Variants in PCDH15 observed in about 807,000 individuals in gnomAD.
PCDH15 encodes the protein protocadherin-15.
In PCDH15, 129 loss-of-function variants were observed where a neutral mutation model predicts 178.5. The ratio of observed to expected loss-of-function variants is 0.72; its 90% CI spans 0.63 to 0.84. The LOEUF (loss-of-function observed/expected upper bound fraction) is 0.84. Among genes scored for constraint, PCDH15 ranks in the 40% least tolerant of loss-of-function variants. The pLI is 0.00. For synonymous variants in PCDH15, 800 were observed against 732.0 expected (o/e 1.09, Z -1.50); for missense variants, 2,230 against 2,099.9 (o/e 1.06, Z -1.21).
chr10:55,525,572 T>C (rs1841286150), intron 2 of PCDH15, among the ~76,000 whole-genome samples: 1 of 151,900 alleles, frequency 6.6e-6, no homozygotes, highest in Non-Finnish European at 1.5e-5. Context: ...TAAGGAAGTC[T>C]ACTTTTGGCT....
intron 2 of PCDH15, among the ~76,000 whole-genome samples, chr10:55,113,644 T>G (rs1378191909): frequency 6.6e-6 from 1 of 152,194 alleles, no homozygotes; most frequent in Non-Finnish European, 1.5e-5. Context: ...TTAACTTATC[T>G]AATTATATGC....
At chr10:54,025,709 G>T (rs1020595840) in intron 18 of PCDH15, among the ~76,000 whole-genome samples, 1 of 152,078 alleles carries the variant, frequency 6.6e-6, no homozygotes, top group African/African-American at 2.4e-5. Flanking sequence ...ATGTTGGTCA[G>T]GCTGGTCTCA....
At chr10:55,260,796 CA>C (rs1452181447) in intron 1 of PCDH15, among the ~76,000 whole-genome samples, 1 of 152,084 alleles carries the variant, frequency 6.6e-6, no homozygotes, top group East Asian at 1.9e-4. Flanking sequence ...AATAGATAAG[CA>C]AAATCTTTCT....
chr10:54,703,169 A>T (rs1250364909), intron 1 of PCDH15, among the ~76,000 whole-genome samples: 1 of 152,118 alleles, frequency 6.6e-6, no homozygotes, highest in Non-Finnish European at 1.5e-5. Flanking sequence ...TGTTGATAAA[A>T]TTCAGCAGCC....
intron 1 of PCDH15, among the ~76,000 whole-genome samples, chr10:55,167,122 A>G (rs1201205946): frequency 6.6e-6 from 1 of 152,020 alleles, no homozygotes; most frequent in Non-Finnish European, 1.5e-5. Flanking sequence ...TTTTTATTTT[A>G]TTTTGTTTTG....
At chr10:53,839,349 A>G (rs578051576) in intron 29 of PCDH15, among the ~76,000 whole-genome samples, 16 of 152,082 alleles carry the variant, frequency 1.1e-4, no homozygotes, top group Non-Finnish European at 2.4e-4. Flanking sequence ...TTAAAATAAA[A>G]CTAAATTCAG....
intron 1 of PCDH15, among the ~76,000 whole-genome samples, chr10:55,264,882 G>A (rs1842240207): frequency 6.6e-6 from 1 of 152,174 alleles, no homozygotes; most frequent in Admixed American, 6.5e-5. Flanking sequence ...GGCCCCATAT[G>A]TGCAGGCTTT....
rs1050885262 is a variant in PCDH15 at position 54,835,774 on chromosome 10, C to T, written c.-29+61676G>A. ...TATATAAAATTGTAAAATTTAAAAT[C>T]ACATAGCAGGAAATTTTGAGCTATG... On this transcript the variant is annotated intron_variant, in intron 3 of 5. Transcript: ENST00000458638. Among the ~76,000 whole-genome samples, 5 of 152,034 alleles carry T rather than the reference C, an allele frequency of 3.3e-5. No homozygotes were observed. The South Asian group carries it at 1.0e-3, about 31-fold the overall frequency.
At chr10:54,505,752 A>G (rs2081115303) in intron 3 of PCDH15, among the ~76,000 whole-genome samples, 1 of 151,934 alleles carries the variant, frequency 6.6e-6, no homozygotes, top group African/African-American at 2.4e-5. Flanking sequence ...CTGTGCAACA[A>G]AACTGCACGT....
intron 2 of PCDH15, among the ~76,000 whole-genome samples, chr10:54,990,961 T>G (rs1239057065): frequency 1.5e-5 from 2 of 131,598 alleles, no homozygotes; most frequent in Non-Finnish European, 3.2e-5. Context: ...CAATAAAATT[T>G]TAAAAGAAAA....
chr10:54,844,792 T>C (rs1034393613), intron 3 of PCDH15, among the ~76,000 whole-genome samples: 3 of 151,972 alleles, frequency 2.0e-5, no homozygotes, highest in Non-Finnish European at 4.4e-5. Flanking sequence ...TTTCAATAAA[T>C]TTCCACTATG....
intron 21 of PCDH15, among the ~76,000 whole-genome samples, chr10:53,975,636 G>A (rs1414911285): frequency 2.0e-5 from 3 of 151,888 alleles, no homozygotes; most frequent in Non-Finnish European, 2.9e-5. Context: ...TTTTTTGCTT[G>A]TCGAATTAGG....
At chr10:54,250,844 C>G (rs1358887876) in intron 8 of PCDH15, among the ~76,000 whole-genome samples, 3 of 152,158 alleles carry the variant, frequency 2.0e-5, no homozygotes, top group East Asian at 1.9e-4. Context: ...CAATCTCTCT[C>G]TCACACACAC....
intron 26 of PCDH15, among the ~76,000 whole-genome samples, chr10:53,902,098 A>G (rs1405171130): frequency 6.6e-6 from 1 of 152,188 alleles, no homozygotes; most frequent in African/African-American, 2.4e-5. Context: ...AGAGTTAATG[A>G]GACTAAAATA....
intron 2 of PCDH15, among the ~76,000 whole-genome samples, chr10:54,557,804 G>A (rs1441401974): frequency 6.6e-6 from 1 of 152,034 alleles, no homozygotes; most frequent in Non-Finnish European, 1.5e-5. Context: ...AAGACAAGGT[G>A]ATAAATCTAG....
chr10:53,809,335 C>T (rs534711246), intron 37 of PCDH15: 1 of 1,613,086 alleles, frequency 6.2e-7, no homozygotes, highest in African/African-American at 1.3e-5. Context: ...CTCAAGGCGT[C>T]TCTGCCACTC....
intron 3 of PCDH15, among the ~76,000 whole-genome samples, chr10:54,402,430 T>C (rs977292253): frequency 2.6e-5 from 4 of 151,970 alleles, no homozygotes; most frequent in Non-Finnish European, 5.9e-5. Context: ...AGCATGATCG[T>C]TTATGTATAA....
chr10:55,391,495 G>T (rs990631120), intron 2 of PCDH15, among the ~76,000 whole-genome samples: 5 of 151,426 alleles, frequency 3.3e-5, no homozygotes, highest in Non-Finnish European at 7.4e-5. Context: ...CTTCTTTTTT[G>T]GGGGGTGGGG....
intron 21 of PCDH15, among the ~76,000 whole-genome samples, chr10:53,992,224 C>T (rs1259825779): frequency 1.3e-5 from 2 of 152,118 alleles, no homozygotes; most frequent in African/African-American, 4.8e-5. Flanking sequence ...TTGAAGCCAG[C>T]AAGACCACGA....
Sources: gnomAD v4.1 joint callset for allele counts (sites outside exome capture counted in the v4.1 genomes callset) on GRCh38, gnomAD v4.1.1 for gene constraint, MANE v1.5 for transcripts, NCBI Gene and HGNC (gene_info 2026-07-23, HGNC 2026-07-21) for gene names.